Variants in STK3 observed in about 807,000 individuals in gnomAD.
STK3 encodes serine/threonine kinase 3, also known as serine/threonine-protein kinase 3.
STK3 carries 41 observed loss-of-function variants against 58.0 expected under a neutral mutation model. That is an observed-to-expected ratio of 0.71 (90% confidence interval 0.55 to 0.92). STK3 has a LOEUF of 0.92. STK3 is among the 40% of genes least tolerant of loss of function. STK3 has a pLI of 0.00. For missense variants in STK3, 479 were observed against 602.7 expected, an observed-to-expected ratio of 0.79 and a Z score of 2.15; for synonymous variants, 170 against 191.0, an observed-to-expected ratio of 0.89 and a Z score of 0.91.
intron 10 of STK3, among the ~76,000 whole-genome samples, chr8:98,480,647 T>C (rs12542022): frequency 0.35 from 52,651 of 151,976 alleles, 9,874 homozygotes; most frequent in Admixed American, 0.51. Flanking sequence ...GCGATGACAA[T>C]ATCTCTCTAT....
At chr8:98,888,134 C>T (rs1194359012) in intron 1 of STK3, among the ~76,000 whole-genome samples, 1 of 152,106 alleles carries the variant, frequency 6.6e-6, no homozygotes, top group African/African-American at 2.4e-5. Flanking sequence ...GCCTGGCCAA[C>T]ATGGTGAAAC....
intron 3 of STK3, among the ~76,000 whole-genome samples, chr8:98,864,222 A>G (rs74728892): frequency 4.0e-5 from 6 of 151,098 alleles, no homozygotes; most frequent in African/African-American, 1.5e-4. Flanking sequence ...AAAAAAAAAA[A>G]AAGTCTCAAT....
At chr8:98,901,253 A>G (rs1484796200) in intron 1 of STK3, among the ~76,000 whole-genome samples, 1 of 152,230 alleles carries the variant, frequency 6.6e-6, no homozygotes, top group African/African-American at 2.4e-5. Flanking sequence ...CCTACATCAG[A>G]GGATTATTGT....
At chr8:98,425,879 C>T (rs913407593) in intron 3 of STK3, among the ~76,000 whole-genome samples, 1 of 152,194 alleles carries the variant, frequency 6.6e-6, no homozygotes, top group Admixed American at 6.5e-5. Flanking sequence ...GACTTCTGAC[C>T]GAGACATGTA....
chr8:98,879,389 TG>T (rs1292309692), downstream of STK3: 6 of 152,342 alleles, frequency 3.9e-5, no homozygotes, highest in African/African-American at 1.4e-4. Flanking sequence ...TGACCACGGT[TG>T]TTACTCTTTC....
intron 4 of STK3, among the ~76,000 whole-genome samples, chr8:98,725,150 C>T (rs1047678307): frequency 2.0e-5 from 3 of 152,102 alleles, no homozygotes; most frequent in Non-Finnish European, 4.4e-5. Context: ...CTGTTACACA[C>T]ACATAAGACC....
At position 98,672,888 on chromosome 8, in the gene STK3, G is replaced by C. The variant is rs1822931673; in HGVS notation, c.684+33579C>G. Among the ~76,000 whole-genome samples the C allele has an allele frequency of 2.0e-5, 3 of 151,918 alleles. No individual in the cohort carries two copies. In the South Asian group the frequency reaches 6.2e-4, roughly 31 times the overall value. On this transcript the variant is annotated intron_variant, in intron 6 of 10. Coordinates refer to ENST00000419617, the MANE Select transcript of STK3 (RefSeq NM_006281.4). ...GCAGTCACTAAGAACTTTTTATGCA[G>C]GTTTAAATTTTACATACAGAGAAGC...
the STK3 span, among the ~76,000 whole-genome samples, chr8:98,356,247 G>A: frequency 1.3e-5 from 2 of 152,330 alleles, no homozygotes; most frequent in African/African-American, 4.8e-5. Flanking sequence ...AGAAAGGAAA[G>A]TGCTGTTTCC....
intron 1 of STK3, chr8:98,904,854 G>T: frequency 1.5e-6 from 1 of 673,256 alleles, no homozygotes; most frequent in Non-Finnish European, 2.8e-6. Context: ...TCTGTCTTAG[G>T]GATTAGCAGA....
At chr8:98,572,378 A>G (rs1188914675) in intron 8 of STK3, among the ~76,000 whole-genome samples, 2 of 152,154 alleles carry the variant, frequency 1.3e-5, no homozygotes, top group Non-Finnish European at 2.9e-5. Flanking sequence ...TATAAAAAAT[A>G]TTTTACTTTT....
Position 98,844,959 on chromosome 8 carries a change from T to G in STK3, c.110+38688A>C, listed in dbSNP as rs2131817640. The stretch of plus-strand genomic sequence containing the variant: ...ACACCAGAAGCACTTTGCTTTCACG[T>G]GACAAAAACTGACAATGGTTGGAGC... On this transcript the variant is annotated intron_variant, in intron 3 of 12. Transcript: ENST00000523601. Among the ~76,000 whole-genome samples, 3 of 152,330 alleles carry G rather than the reference T, an allele frequency of 2.0e-5. 1 individual carries two copies. In the East Asian group the frequency reaches 5.8e-4, roughly 29 times the overall value.
At chr8:98,698,553 G>C (rs965378397) in intron 6 of STK3, among the ~76,000 whole-genome samples, 61 of 152,284 alleles carry the variant, frequency 4.0e-4, no homozygotes, top group Middle Eastern at 3.4e-3. Context: ...TTTTAGGGCA[G>C]GCCTGGTGGT....
chr8:98,690,444 C>T lies in STK3; in HGVS notation c.684+16023G>A, dbSNP rs181456731. ...CAAGAATGCAATGCCATTTACAATTCCTACCAAAAAAAAAAAAAAAACAAC... is the reference window on the plus strand; with the variant it reads ...CAAGAATGCAATGCCATTTACAATTTCTACCAAAAAAAAAAAAAAAACAAC... On this transcript the variant is annotated intron_variant, in intron 6 of 10. Transcript: ENST00000419617. Among the ~76,000 whole-genome samples the T allele has an allele frequency of 3.8e-3, 516 of 137,494 alleles. 4 individuals carry two copies. The highest frequency in any genetic ancestry group is 5.4e-3 in the Non-Finnish European group (339 of 62,918). The allele number at this position is 137,494 out of a possible 152,430, so 90.2% of individuals were successfully genotyped here. A position where few individuals can be genotyped will look rare whatever the true frequency, so the allele number is the denominator to read the frequency against.
intron 6 of STK3, among the ~76,000 whole-genome samples, chr8:98,614,734 T>C (rs1188589518): frequency 1.3e-5 from 2 of 152,158 alleles, no homozygotes; most frequent in African/African-American, 2.4e-5. Flanking sequence ...CTCACCCGAA[T>C]ACTGCGCTTT....
At position 98,592,944 on chromosome 8, in the gene STK3, C is replaced by T. The variant is rs193083342; in HGVS notation, c.822+3088G>A. ...ATGTCTGGCTAATTTTTGTATTTTTCGTATAGACGGGGTTTCACTATGTTG... is the reference window on the plus strand; with the variant it reads ...ATGTCTGGCTAATTTTTGTATTTTTTGTATAGACGGGGTTTCACTATGTTG... On this transcript the variant is annotated intron_variant, in intron 7 of 10. Coordinates refer to ENST00000419617, the MANE Select transcript of STK3 (RefSeq NM_006281.4). Among the ~76,000 whole-genome samples, 702 of 151,880 alleles carry T rather than the reference C, an allele frequency of 4.6e-3. 6 individuals carry two copies. Among genetic ancestry groups the T allele is most frequent in the Admixed American group, 0.01 (155 of 15,260 alleles).
intron 3 of STK3, among the ~76,000 whole-genome samples, chr8:98,847,985 C>CTTCAGCATGCTGTTTA (rs577268521): frequency 2.6e-5 from 4 of 152,272 alleles, no homozygotes; most frequent in South Asian, 4.1e-4. Flanking sequence ...TGTCATTCCC[C>CTTCAGCATGCTGTTTA]TTCAGCATGC....
chr8:98,787,856 TAC>T (rs1284672823), intron 1 of STK3, among the ~76,000 whole-genome samples: 9 of 152,102 alleles, frequency 5.9e-5, no homozygotes, highest in African/African-American at 1.7e-4. Flanking sequence ...GTCGGAAAGA[TAC>T]AGTCTTTTTC....
At chr8:98,837,440 A>C (rs1424566553) in intron 3 of STK3, among the ~76,000 whole-genome samples, 3 of 152,102 alleles carry the variant, frequency 2.0e-5, no homozygotes, top group Admixed American at 2.0e-4. Context: ...CAGTAGTTAC[A>C]AGGAGAAAAA....
At chr8:98,923,828 CG>C (rs1839664140) in intron 1 of STK3, among the ~76,000 whole-genome samples, 1 of 144,306 alleles carries the variant, frequency 6.9e-6, no homozygotes, top group East Asian at 2.1e-4. Context: ...TTTGCAAAAA[CG>C]TGTGTGTGTG....
Sources: allele counts gnomAD v4.1 joint callset (sites outside exome capture counted in the v4.1 genomes callset), GRCh38; gene constraint gnomAD v4.1.1; transcripts MANE v1.5; gene names NCBI Gene and HGNC (gene_info 2026-07-23, HGNC 2026-07-21).